PGBD2: variants seen among roughly 807,000 people sequenced by gnomAD.
PGBD2 encodes the protein piggyBac transposable element derived 2.
PGBD2 carries 6 observed loss-of-function variants against 8.1 expected under a neutral mutation model. The ratio of observed to expected loss-of-function variants is 0.74; its 90% CI spans 0.40 to 1.46. The LOEUF (loss-of-function observed/expected upper bound fraction) is 1.46. PGBD2 is among the 40% of genes most tolerant of loss of function. PGBD2 has a pLI of 0.02. For missense variants in PGBD2, 802 were observed against 739.0 expected, an observed-to-expected ratio of 1.09 and a Z score of -0.99; for synonymous variants, 318 against 272.2, an observed-to-expected ratio of 1.17 and a Z score of -1.66.
At chr1:248,873,863 G>A in the PGBD2 span, among the ~76,000 whole-genome samples, 14 of 152,188 alleles carry the variant, frequency 9.2e-5, no homozygotes, top group Admixed American at 7.2e-4. Context: ...GTGTCAGGAT[G>A]GCCGAGTGGT....
chr1:248,925,636 TC>T, the PGBD2 span, among the ~76,000 whole-genome samples: 1 of 150,802 alleles, frequency 6.6e-6, no homozygotes, highest in East Asian at 1.9e-4. Flanking sequence ...GCCAAAGTGC[TC>T]CCCTGAAGTC....
At position 248,918,253 on chromosome 1, in the gene PGBD2, CA is replaced by C; in HGVS notation, c.1670del (p.Gln557ArgfsTer72). 4 of 1,613,672 alleles carry C rather than the reference CA, an allele frequency of 2.5e-6. No homozygotes were observed. The highest frequency in any genetic ancestry group is 3.4e-6 in the Non-Finnish European group (4 of 1,179,738). On this transcript the variant is annotated frameshift_variant, in exon 3 of 3. Transcript: ENST00000329291. LOFTEE classifies it high-confidence loss of function. ...FDMIGHWIIH[Q>X]DKRTRCALCH... ...TATGATTGGGCACTGGATTATCCATCAGGACAAGAGGACCCGGTGTGCCCTC... is the reference window on the plus strand; with the variant it reads ...TATGATTGGGCACTGGATTATCCATCGGACAAGAGGACCCGGTGTGCCCTC...
At chr1:248,927,589 A>C in the PGBD2 span, among the ~76,000 whole-genome samples, 3 of 152,308 alleles carry the variant, frequency 2.0e-5, no homozygotes, top group East Asian at 5.8e-4. Context: ...ACATTATATA[A>C]CACATGTATG....
In PGBD2 at chr1:248,916,966, G is replaced by A. The variant is rs752318723; in HGVS notation, c.382G>A (p.Asp128Asn). ...AGACTTTGGCAGTTGGACTGCATCA[G>A]ATCCTCATATTGAGGATCTGAAAAG... ...RPDFGSWTAS[D>N]PHIEDLKSQE... is the part of the protein sequence containing the mutation. The change falls in exon 3 of 3, where the codon GAT becomes AAT. Residue 128 changes from aspartate (D) to asparagine (N), a missense_variant. Coordinates refer to ENST00000329291, the MANE Select transcript of PGBD2 (RefSeq NM_170725.3). 2 of 1,613,332 alleles carry A rather than the reference G, an allele frequency of 1.2e-6. No individual in the cohort carries two copies. The highest frequency in any genetic ancestry group is 1.7e-6 in the Non-Finnish European group (2 of 1,179,808).
chr1:248,911,395 G>A (rs1243111530), intron 1 of PGBD2, among the ~76,000 whole-genome samples: 11 of 150,482 alleles, frequency 7.3e-5, no homozygotes, highest in Middle Eastern at 6.8e-3. Flanking sequence ...TCAACCCTGA[G>A]TGGACACAGC....
the PGBD2 span, among the ~76,000 whole-genome samples, chr1:248,891,039 C>T: frequency 1.4e-4 from 22 of 152,180 alleles, no homozygotes; most frequent in African/African-American, 5.3e-4. Flanking sequence ...CAGGCATGCA[C>T]ATACCACTCA....
chr1:248,875,324 A>AAAAAAAAAG, the PGBD2 span, among the ~76,000 whole-genome samples: 5 of 149,344 alleles, frequency 3.3e-5, no homozygotes, highest in African/African-American at 1.3e-4. Context: ...AAAAAAAAAA[A>AAAAAAAAAG]AAAAGAAAAG....
downstream of PGBD2, among the ~76,000 whole-genome samples, chr1:248,920,168 T>C (rs1385037227): frequency 1.3e-5 from 2 of 152,152 alleles, no homozygotes; most frequent in African/African-American, 4.8e-5. Flanking sequence ...TTAATTATAC[T>C]TTAAGTTCTG....
chr1:248,874,250 C>T, the PGBD2 span, among the ~76,000 whole-genome samples: 13 of 152,152 alleles, frequency 8.5e-5, no homozygotes, highest in East Asian at 5.8e-4. Context: ...TCATGTCTTC[C>T]CTGGTGGTCT....
upstream of PGBD2, among the ~76,000 whole-genome samples, chr1:248,904,335 T>G (rs1661583212): frequency 6.6e-6 from 1 of 152,172 alleles, no homozygotes; most frequent in Non-Finnish European, 1.5e-5. Context: ...TACCCCAAAT[T>G]TGACATTGTT....
chr1:248,876,227 C>T, the PGBD2 span, among the ~76,000 whole-genome samples: 11 of 152,120 alleles, frequency 7.2e-5, no homozygotes, highest in Admixed American at 2.6e-4. Flanking sequence ...AGGCTGTTCT[C>T]GAACTCCCAA....
intron 1 of PGBD2, among the ~76,000 whole-genome samples, chr1:248,907,429 T>G (rs1293834572): frequency 6.6e-6 from 1 of 152,222 alleles, no homozygotes; most frequent in African/African-American, 2.4e-5. Context: ...CCTTCATCTA[T>G]CTCAACTGCA....
chr1:248,901,836 T>C (rs1661539399), upstream of PGBD2, among the ~76,000 whole-genome samples: 3 of 152,096 alleles, frequency 2.0e-5, no homozygotes, highest in South Asian at 4.1e-4. Context: ...ACCTCCAGAA[T>C]GGGAGAAAAA....
chr1:248,905,012 G>A (rs113794143), upstream of PGBD2, among the ~76,000 whole-genome samples: 720 of 152,274 alleles, frequency 4.7e-3, 3 homozygotes, highest in Non-Finnish European at 6.9e-3. Flanking sequence ...TTGAATGAAT[G>A]AATGAGACAC....
the PGBD2 span, among the ~76,000 whole-genome samples, chr1:248,874,273 T>G: frequency 2.6e-5 from 4 of 152,152 alleles, no homozygotes; most frequent in Non-Finnish European, 4.4e-5. Context: ...TGGTTAGGAT[T>G]CGGCGCTCTC....
the PGBD2 span, among the ~76,000 whole-genome samples, chr1:248,929,896 A>G: frequency 0.022 from 3,402 of 152,260 alleles, 139 homozygotes; most frequent in African/African-American, 0.077. Flanking sequence ...GACTCTGTCC[A>G]TTCTAGGATG....
At chr1:248,906,225 C>T (rs990161945), upstream of PGBD2, 2 of 151,842 alleles carry the variant, frequency 1.3e-5, no homozygotes, top group African/African-American at 4.8e-5. Context: ...GCAGCGAGCC[C>T]TCTGGTGCCG....
chr1:248,890,287 C>T, the PGBD2 span, among the ~76,000 whole-genome samples: 9 of 152,226 alleles, frequency 5.9e-5, no homozygotes, highest in African/African-American at 2.2e-4. Flanking sequence ...GGTCAGAAGT[C>T]CCCACAGGTT....
upstream of PGBD2, among the ~76,000 whole-genome samples, chr1:248,904,673 T>C (rs992477442): frequency 6.6e-6 from 1 of 152,240 alleles, no homozygotes; most frequent in Non-Finnish European, 1.5e-5. Flanking sequence ...TGCCATTCTC[T>C]CTGCTTCAAA....
Sources: gnomAD v4.1 joint callset for allele counts (sites outside exome capture counted in the v4.1 genomes callset) on GRCh38, gnomAD v4.1.1 for gene constraint, MANE v1.5 for transcripts, NCBI Gene and HGNC (gene_info 2026-07-23, HGNC 2026-07-21) for gene names.